Variants in ATP2C1 observed in about 807,000 individuals in gnomAD.
The protein encoded by ATP2C1 is ATPase secretory pathway Ca2+ transporting 1, also known as calcium-transporting ATPase type 2C member 1.
A neutral mutation model predicts 120.5 loss-of-function variants in ATP2C1; 31 were observed. The observed-to-expected ratio is 0.26, with a 90% CI of 0.19 to 0.35. ATP2C1 has a LOEUF of 0.35. ATP2C1 is among the 10% of genes least tolerant of loss of function. The pLI, the probability that ATP2C1 is intolerant of heterozygous loss-of-function variation, is 1.00. For missense variants in ATP2C1, 731 were observed against 1,107.5 expected (o/e 0.66, Z 4.83); for synonymous variants, 351 against 358.7 (o/e 0.98, Z 0.24).
At chr3:130,938,498 C>G (rs948892490) in intron 6 of ATP2C1, among the ~76,000 whole-genome samples, 1 of 152,342 alleles carries the variant, frequency 6.6e-6, no homozygotes, top group African/African-American at 2.4e-5. Flanking sequence ...AAGGTAATCT[C>G]TAACCTAGTT....
chr3:130,965,809 T>C lies in ATP2C1; in HGVS notation c.1122+764T>C, dbSNP rs753502164. 2.8e-4 allele frequency among the ~76,000 whole-genome samples: 42 copies of C among 152,218 alleles called. No individual in the cohort carries two copies. The South Asian group carries it at 7.3e-3, about 26-fold the overall frequency. On this transcript the variant is annotated intron_variant, in intron 14 of 27. Coordinates refer to ENST00000510168, the MANE Select transcript of ATP2C1 (RefSeq NM_001378687.1). ...AGCATTTCATACCTCTTAGTCCTTA[T>C]CTTAGGTAAAATTTTCTGTCCCTTT...
intron 2 of ATP2C1, among the ~76,000 whole-genome samples, chr3:130,897,760 A>T (rs1290773959): frequency 2.0e-5 from 3 of 152,106 alleles, no homozygotes; most frequent in Admixed American, 6.6e-5. Flanking sequence ...AAGCTTGACC[A>T]ATTTTTAGCT....
intron 26 of ATP2C1, among the ~76,000 whole-genome samples, chr3:131,013,317 A>G (rs2063409302): frequency 6.6e-6 from 1 of 152,210 alleles, no homozygotes; most frequent in Admixed American, 6.5e-5. Flanking sequence ...TTTCCATTCT[A>G]ACTTTTTCAT....
intron 2 of ATP2C1, among the ~76,000 whole-genome samples, chr3:130,919,309 C>T (rs2058841919): frequency 6.6e-6 from 1 of 151,776 alleles, no homozygotes; most frequent in South Asian, 2.1e-4. Flanking sequence ...ACTACAACCT[C>T]TGCCTCCCAG....
At chr3:130,887,840 A>G (rs1222179533) in intron 1 of ATP2C1, among the ~76,000 whole-genome samples, 1 of 152,186 alleles carries the variant, frequency 6.6e-6, no homozygotes, top group Non-Finnish European at 1.5e-5. Context: ...CTGAGCTGGT[A>G]TCTAAAGTGC....
chr3:131,009,157 C>CT (rs1676359029), intron 26 of ATP2C1, among the ~76,000 whole-genome samples: 1 of 152,136 alleles, frequency 6.6e-6, no homozygotes, highest in Non-Finnish European at 1.5e-5. Flanking sequence ...TCTGAATAGG[C>CT]TTAAGTATGT....
chr3:130,971,091 A>T (rs1342154393), intron 17 of ATP2C1, among the ~76,000 whole-genome samples: 2 of 152,204 alleles, frequency 1.3e-5, no homozygotes, highest in African/African-American at 4.8e-5. Flanking sequence ...TTTTCAGCTG[A>T]TGTCCCTTAA....
chr3:130,924,261 T>G (rs961284148), intron 2 of ATP2C1, among the ~76,000 whole-genome samples: 1 of 152,158 alleles, frequency 6.6e-6, no homozygotes, highest in African/African-American at 2.4e-5. Context: ...CTTGTGGTGC[T>G]GGTTTGGTAG....
chr3:130,993,618 C>A (rs1560025591), intron 21 of ATP2C1, among the ~76,000 whole-genome samples: 2 of 152,166 alleles, frequency 1.3e-5, no homozygotes, highest in African/African-American at 4.8e-5. Flanking sequence ...TCCTGATAGT[C>A]CAAAACATCT....
At chr3:130,967,559 T>C (rs1158717583) in intron 16 of ATP2C1, 140 bp downstream of exon 16, 8 of 727,890 alleles carry the variant, frequency 1.1e-5, no homozygotes, top group Non-Finnish European at 1.9e-5. Flanking sequence ...TACTATCTTT[T>C]AGGTATCAGT....
At chr3:130,892,044 A>C (rs1479332306), upstream of ATP2C1, among the ~76,000 whole-genome samples, 1 of 152,222 alleles carries the variant, frequency 6.6e-6, no homozygotes, top group Non-Finnish European at 1.5e-5. Flanking sequence ...GGGGACCAAA[A>C]GTAAAATTTC....
At chr3:131,007,999 A>G (rs953692518), downstream of ATP2C1, among the ~76,000 whole-genome samples, 1 of 152,224 alleles carries the variant, frequency 6.6e-6, no homozygotes, top group African/African-American at 2.4e-5. Context: ...ATAGGATTGC[A>G]TTAGATTTTG....
chr3:130,860,438 G>C (rs1191516807), intron 1 of ATP2C1, among the ~76,000 whole-genome samples: 1 of 152,164 alleles, frequency 6.6e-6, no homozygotes, highest in Non-Finnish European at 1.5e-5. Flanking sequence ...ATACAACTTA[G>C]GTTATGCATT....
chr3:130,935,504 G>C (rs2059626558), intron 5 of ATP2C1, among the ~76,000 whole-genome samples: 1 of 152,132 alleles, frequency 6.6e-6, no homozygotes, highest in Admixed American at 6.5e-5. Context: ...AAGCACTTAT[G>C]CTTAAGAACA....
At chr3:130,925,342 C>T (rs1298968525) in intron 2 of ATP2C1, among the ~76,000 whole-genome samples, 1 of 152,162 alleles carries the variant, frequency 6.6e-6, no homozygotes, top group Admixed American at 6.5e-5. Flanking sequence ...ATTGTTTTTG[C>T]TCTTCTGGGT....
intron 18 of ATP2C1, among the ~76,000 whole-genome samples, chr3:130,976,739 A>G (rs2061541639): frequency 6.6e-6 from 1 of 152,142 alleles, no homozygotes; most frequent in South Asian, 2.1e-4. Flanking sequence ...AAGCCAAGGC[A>G]GATTCTTTCT....
rs2060715650 is a variant in ATP2C1 at position 130,959,285 on chromosome 3, G to A, written c.843G>A (p.Met281Ile). Residue 281 changes from methionine to isoleucine, a missense_variant, in exon 12 of 28, where the codon ATG becomes ATA. Transcript: ENST00000510168. ...FYSFGIIGIIMLVGWLLGKDI... is the reference protein window; with the variant it reads ...FYSFGIIGIIILVGWLLGKDI... ...TTAATTATCTTTCAGGAATCATCAT[G>A]TTGGTTGGCTGGTTACTGGGAAAAG... The A allele has an allele frequency of 6.2e-7, 1 of 1,607,260 alleles. No individual in the cohort carries two copies. Among genetic ancestry groups the A allele is most frequent in the African/African-American group, 1.3e-5 (1 of 74,668 alleles).
chr3:130,898,981 C>A lies in ATP2C1; in HGVS notation c.6+4206C>A, dbSNP rs569136823. Among the ~76,000 whole-genome samples the A allele has an allele frequency of 3.9e-5, 6 of 152,044 alleles. No homozygotes were observed. In the South Asian group the frequency reaches 6.2e-4, roughly 16 times the overall value. On this transcript the variant is annotated intron_variant, in intron 2 of 27. Transcript: ENST00000510168. ...CACATTTACTTTGTTGAAACAAATT[C>A]TTTTTAATAATGGTTTCAGGCATCA... is the stretch of plus-strand genomic sequence containing the variant.
chr3:130,980,553 T>C (rs375770072), intron 19 of ATP2C1, 29 bp from the exon 20 acceptor site: 186 of 1,554,980 alleles, frequency 1.2e-4, no homozygotes, highest in Middle Eastern at 1.7e-4. Flanking sequence ...CAATTTGGTT[T>C]ATTACATTTT....
Sources: allele counts gnomAD v4.1 joint callset (sites outside exome capture counted in the v4.1 genomes callset), GRCh38; gene constraint gnomAD v4.1.1; transcripts MANE v1.5; gene names NCBI Gene and HGNC (gene_info 2026-07-23, HGNC 2026-07-21).